The following MAGI1 variants were observed in gnomAD, a reference collection of about 807,000 sequenced individuals.
The protein encoded by MAGI1 is membrane associated guanylate kinase, WW and PDZ domain containing 1.
In MAGI1, 58 loss-of-function variants were observed where a neutral mutation model predicts 139.9. The ratio of observed to expected loss-of-function variants is 0.41; its 90% CI spans 0.34 to 0.52. The LOEUF (loss-of-function observed/expected upper bound fraction) is 0.52, where lower values mean the gene tolerates loss of function less well. MAGI1 is among the 20% of genes least tolerant of loss of function. The pLI, the probability that MAGI1 is intolerant of heterozygous loss-of-function variation, is 0.12. For synonymous variants in MAGI1, 812 were observed against 737.9 expected (o/e 1.10, Z -1.63); for missense variants, 1,874 against 1,901.6 (o/e 0.99, Z 0.27).
chr3:65,691,763 G>C (rs1353569531), intron 1 of MAGI1, among the ~76,000 whole-genome samples: 1 of 152,106 alleles, frequency 6.6e-6, no homozygotes, highest in African/African-American at 2.4e-5. Flanking sequence ...CAGCATTATA[G>C]TACATTTATC....
At chr3:65,947,102 A>G (rs979866142) in intron 1 of MAGI1, among the ~76,000 whole-genome samples, 1 of 152,190 alleles carries the variant, frequency 6.6e-6, no homozygotes, top group Admixed American at 6.5e-5. Flanking sequence ...TAACTTATAA[A>G]CAAATAACAT....
intron 2 of MAGI1, among the ~76,000 whole-genome samples, chr3:65,516,237 T>C (rs1464862945): frequency 6.6e-6 from 1 of 152,032 alleles, no homozygotes; most frequent in African/African-American, 2.4e-5. Flanking sequence ...TGGAGTGCAG[T>C]GGTCCAATCT....
chr3:65,509,774 G>T lies in MAGI1; in HGVS notation c.431-16143C>A, dbSNP rs1052158026. Among the ~76,000 whole-genome samples, 316 of 152,086 alleles carry T rather than the reference G, an allele frequency of 2.1e-3. 1 individual carries two copies. The highest frequency in any genetic ancestry group is 4.1e-3 in the Non-Finnish European group (276 of 67,968). On this transcript the variant is annotated intron_variant, in intron 2 of 22. Transcript: ENST00000402939. ...GCTTGCTTAGGTAAACAAAGCAGCT[G>T]GGAAGCTCGAACTGGGTGGAGCCCA...
In MAGI1 at chr3:65,425,108, T is replaced by TAAA. The variant is rs72030632; in HGVS notation, c.2167+4409_2167+4411dup. Among the ~76,000 whole-genome samples, 36 of 66,522 alleles carry TAAA rather than the reference T, an allele frequency of 5.4e-4. 1 individual carries two copies. Among genetic ancestry groups the TAAA allele is most frequent in the African/African-American group, 1.7e-3 (28 of 16,414 alleles). The allele number at this position is 66,522 out of a possible 152,430, so 43.6% of individuals were successfully genotyped here. On this transcript the variant is annotated intron_variant, in intron 12 of 22. Coordinates refer to ENST00000402939, the MANE Select transcript of MAGI1 (RefSeq NM_001033057.2). ...AAAAAAAACCTACCAGTAGAACTTC[T>TAAA]AAAAAAAAAAAAAAAAAAAAAAAAC... is the stretch of plus-strand genomic sequence containing the variant.
intron 1 of MAGI1, among the ~76,000 whole-genome samples, chr3:66,025,007 A>G (rs995510676): frequency 6.6e-6 from 1 of 152,218 alleles, no homozygotes; most frequent in Admixed American, 6.5e-5. Context: ...AAGCCTTAAA[A>G]AGAAATAATT....
chr3:65,489,280 C>A (rs907271631), intron 3 of MAGI1, among the ~76,000 whole-genome samples: 9 of 152,146 alleles, frequency 5.9e-5, no homozygotes, highest in African/African-American at 2.2e-4. Flanking sequence ...CCTTCAAAGT[C>A]AGGTAGTTTT....
At chr3:65,700,683 A>C (rs531085348) in intron 1 of MAGI1, among the ~76,000 whole-genome samples, 6 of 152,268 alleles carry the variant, frequency 3.9e-5, no homozygotes, top group Admixed American at 1.3e-4. Flanking sequence ...CAGTTCTGAT[A>C]ATTAGTAGGG....
At chr3:65,371,475 T>C (rs2106807895) in intron 18 of MAGI1, among the ~76,000 whole-genome samples, 2 of 152,356 alleles carry the variant, frequency 1.3e-5, no homozygotes, top group Non-Finnish European at 2.9e-5. Context: ...CTTTTTTTGC[T>C]GATGGAGGGT....
chr3:65,773,905 G>A (rs541466433), intron 1 of MAGI1, among the ~76,000 whole-genome samples: 1 of 152,020 alleles, frequency 6.6e-6, no homozygotes, highest in African/African-American at 2.4e-5. Context: ...GTTACTTGTG[G>A]TTGCTGAACA....
intron 1 of MAGI1, among the ~76,000 whole-genome samples, chr3:65,936,647 G>C (rs1479123882): frequency 6.6e-6 from 1 of 151,952 alleles, no homozygotes; most frequent in Non-Finnish European, 1.5e-5. Flanking sequence ...TCAGGAAGGT[G>C]GGTACATTTT....
At chr3:65,549,514 G>A (rs1193332753) in intron 2 of MAGI1, 6 of 984,086 alleles carry the variant, frequency 6.1e-6, no homozygotes, top group Non-Finnish European at 7.2e-6. Context: ...CGGCCCGGCG[G>A]CAGCTGCTCC....
intron 18 of MAGI1, among the ~76,000 whole-genome samples, chr3:65,371,283 G>T (rs1014952672): frequency 6.6e-6 from 1 of 152,186 alleles, no homozygotes; most frequent in Non-Finnish European, 1.5e-5. Flanking sequence ...AAAAAAGCAG[G>T]TATTCCAGTA....
Position 65,442,841 on chromosome 3 carries a change from C to T in MAGI1, c.1087G>A (p.Ala363Thr). ...GGGTCTTCAATCTTTTCCCAACCAG[C>T]AGGCAGTTCTGAAAAATAAAAGAAC... Reference protein sequence around the residue: ...EELDSELELPAGWEKIEDPVY... With the variant: ...EELDSELELPTGWEKIEDPVY... Residue 363 changes from alanine (A) to threonine (T), a missense_variant, in exon 8 of 23, where the codon GCT (alanine) becomes ACT (threonine). Physicochemically the swap from Ala to Thr is moderately conservative, Grantham distance 58. Around this residue, in one of 5 missense-constraint regions of MAGI1, gnomAD observed 648 missense variants for 598.1 expected, o/e 1.08. Transcript: ENST00000402939. 6.2e-7 allele frequency: 1 copy of T among 1,612,946 alleles called. No individual in the cohort carries two copies. The highest frequency in any genetic ancestry group is 1.7e-5 in the Admixed American group (1 of 59,950).
intron 1 of MAGI1, among the ~76,000 whole-genome samples, chr3:65,707,725 C>T (rs906995663): frequency 2.7e-5 from 4 of 149,996 alleles, no homozygotes; most frequent in African/African-American, 7.3e-5. Context: ...GCAAAAGAAT[C>T]CCTGGAGAAA....
intron 1 of MAGI1, among the ~76,000 whole-genome samples, chr3:66,007,730 A>T (rs1229996357): frequency 6.6e-6 from 1 of 152,170 alleles, no homozygotes; most frequent in African/African-American, 2.4e-5. Flanking sequence ...GACAACAAGG[A>T]ACATAGCTCA....
At chr3:65,849,268 AC>A (rs1263836180) in intron 1 of MAGI1, among the ~76,000 whole-genome samples, 1 of 149,988 alleles carries the variant, frequency 6.7e-6, no homozygotes, top group Admixed American at 6.7e-5. Context: ...CAGGTGATCC[AC>A]CCGCCTCAGT....
At chr3:65,878,463 C>G (rs2060201656) in intron 1 of MAGI1, among the ~76,000 whole-genome samples, 1 of 147,922 alleles carries the variant, frequency 6.8e-6, no homozygotes, top group South Asian at 2.1e-4. Context: ...TTGCAGTGAG[C>G]CAAGATTGCG....
intron 1 of MAGI1, among the ~76,000 whole-genome samples, chr3:65,863,587 G>C (rs2059624718): frequency 6.6e-6 from 1 of 152,106 alleles, no homozygotes; most frequent in Non-Finnish European, 1.5e-5. Context: ...TGACAGCCCT[G>C]GTTGAGATAT....
intron 1 of MAGI1, among the ~76,000 whole-genome samples, chr3:65,678,136 T>TA (rs1416332156): frequency 2.6e-5 from 4 of 151,982 alleles, no homozygotes; most frequent in African/African-American, 9.7e-5. Context: ...AACACATGGA[T>TA]ACAGGTGGGG....
Sources: allele counts gnomAD v4.1 joint callset (sites outside exome capture counted in the v4.1 genomes callset), GRCh38; gene constraint gnomAD v4.1.1; regional missense constraint gnomAD v4.1.1; transcripts MANE v1.5; gene names NCBI Gene and HGNC (gene_info 2026-07-23, HGNC 2026-07-21).